The following ZNF30 variants were observed in gnomAD, a reference collection of about 807,000 sequenced individuals.
ZNF30 encodes the protein zinc finger protein 30.
Under a neutral mutation model 13.2 loss-of-function variants are expected in ZNF30, and 15 were observed. The observed-to-expected ratio is 1.13, with a 90% CI of 0.76 to 1.75. The LOEUF (loss-of-function observed/expected upper bound fraction) is 1.75. Ranked by LOEUF, ZNF30 falls within the 40% of genes most tolerant of loss-of-function variation. The pLI is 0.00. For missense variants in ZNF30, 726 were observed against 757.0 expected (o/e 0.96, Z 0.48); for synonymous variants, 223 against 256.6 (o/e 0.87, Z 1.25).
At chr19:34,933,556 A>G (rs1394270873) in intron 3 of ZNF30, 72 bp from the exon 4 acceptor site, 6 of 1,208,284 alleles carry the variant, frequency 5.0e-6, no homozygotes, top group South Asian at 1.3e-5. Context: ...ATTTATGGCA[A>G]ATTTAACCAA....
Position 34,945,063 on chromosome 19 carries a change from GTTATTAC to G in ZNF30, c.*229_*235del, listed in dbSNP as rs1236757112. On this transcript the variant is annotated 3_prime_UTR_variant, in exon 5 of 5. Coordinates refer to ENST00000601142, the MANE Select transcript of ZNF30 (RefSeq NM_194325.3). Reference sequence around the variant, plus strand: ...GGACCATTCAGAAAAAGTGGGAAACGTTATTACTTAATGGTTACAGCACTGACAGCAT... The same window carrying G: ...GGACCATTCAGAAAAAGTGGGAAACGTTAATGGTTACAGCACTGACAGCAT... The G allele has an allele frequency of 4.3e-6, 2 of 463,042 alleles. No individual in the cohort carries two copies. Among genetic ancestry groups the G allele is most frequent in the Non-Finnish European group, 7.4e-6 (2 of 268,550 alleles). The allele number at this position is 463,042 out of a possible 1,614,324, so 28.7% of individuals were successfully genotyped here.
intron 3 of ZNF30, among the ~76,000 whole-genome samples, 188 bp from the exon 4 acceptor site, chr19:34,933,440 G>A (rs1038055330): frequency 6.6e-6 from 1 of 152,144 alleles, no homozygotes; most frequent in Non-Finnish European, 1.5e-5. Flanking sequence ...GACAGAGTGA[G>A]ACTCTGTCTC....
At chr19:34,928,189 C>A (rs2012181138) in intron 1 of ZNF30, among the ~76,000 whole-genome samples, 1 of 129,504 alleles carries the variant, frequency 7.7e-6, no homozygotes, top group African/African-American at 2.9e-5. Context: ...GCCTGGGCGA[C>A]AGAGCGAGAT....
chr19:34,943,196 T>A, intron 4 of ZNF30, 27 bp from the exon 5 acceptor site: 1 of 1,420,768 alleles, frequency 7.0e-7, no homozygotes, highest in Non-Finnish European at 9.2e-7. Context: ...AATAGAAAAA[T>A]AAGATATTTT....
In ZNF30 at chr19:34,927,168, C is replaced by T. The variant is rs1401479547; in HGVS notation, c.-113C>T. On this transcript the variant is annotated 5_prime_UTR_variant, in exon 1 of 5. Transcript: ENST00000601142. ...GAATTTCTGCAAACGAACACAGCAC[C>T]GGGAGCTCTGCAGACCTGTGTCGGC... is the stretch of plus-strand genomic sequence containing the variant. 4 of 388,838 alleles carry T rather than the reference C, an allele frequency of 1.0e-5. No individual in the cohort carries two copies. The highest frequency in any genetic ancestry group is 4.1e-5 in the African/African-American group (2 of 48,296). 24.1% of individuals were successfully genotyped at this position (388,838 alleles called of 1,614,324 possible).
chr19:34,933,058 G>A (rs1295399566), intron 3 of ZNF30, among the ~76,000 whole-genome samples: 1 of 151,356 alleles, frequency 6.6e-6, no homozygotes, highest in Non-Finnish European at 1.5e-5. Context: ...GGGATTACAA[G>A]CATGAGCCAC....
In ZNF30 at chr19:34,944,365, G is replaced by A. The variant is rs1489935995; in HGVS notation, c.1399G>A (p.Val467Met). Residue 467 changes from valine to methionine, a missense_variant, in exon 5 of 5, where the codon GTG becomes ATG. By Grantham distance (21) the Val-to-Met change is conservative (BLOSUM62 1). Coordinates refer to ENST00000601142, the MANE Select transcript of ZNF30 (RefSeq NM_194325.3). ...ECKECGKAFRVHVHLTQHRKI... is the reference protein window; with the variant it reads ...ECKECGKAFRMHVHLTQHRKI... ...TAAGGAATGTGGCAAGGCCTTCAGA[G>A]TGCACGTACATCTCACACAGCATCG... 11 of 1,613,776 alleles carry A rather than the reference G, an allele frequency of 6.8e-6. No individual in the cohort carries two copies. The East Asian group carries it at 2.2e-4, about 33-fold the overall frequency.
intron 2 of ZNF30, among the ~76,000 whole-genome samples, chr19:34,931,372 G>C (rs1446811407): frequency 6.6e-6 from 1 of 152,240 alleles, no homozygotes; most frequent in East Asian, 1.9e-4. Context: ...ATTAATATAA[G>C]GAAAAACACT....
Position 34,943,393 on chromosome 19 carries a change from A to C in ZNF30, c.427A>C (p.Ser143Arg), listed in dbSNP as rs138134074. 1.9e-6 allele frequency: 3 copies of C among 1,614,026 alleles called. No individual in the cohort carries two copies. In the East Asian group the frequency reaches 6.7e-5, roughly 36 times the overall value. The change falls in exon 5 of 5, where the codon AGT (serine) becomes CGT (arginine). Residue 143 changes from serine to arginine, a missense_variant. Transcript: ENST00000601142. ...SKPVQHERIH[S>R]SEKPNRCKEC... Reference sequence around the variant, plus strand: ...GCCTGTTCAACATGAAAGAATACATAGTAGTGAAAAACCCAACAGATGTAA... The same window carrying C: ...GCCTGTTCAACATGAAAGAATACATCGTAGTGAAAAACCCAACAGATGTAA...
At chr19:34,942,597 A>G in intron 4 of ZNF30, 2 of 1,285,748 alleles carry the variant, frequency 1.6e-6, no homozygotes, top group Non-Finnish European at 2.0e-6. Flanking sequence ...TGGATAGGAT[A>G]AGAAAGCTCC....
intron 4 of ZNF30, among the ~76,000 whole-genome samples, chr19:34,937,331 C>T (rs935630488): frequency 7.2e-5 from 11 of 152,098 alleles, no homozygotes; most frequent in African/African-American, 2.7e-4. Context: ...CTACTCTTAA[C>T]ATTTAGAGGT....
At chr19:34,938,103 A>G (rs1185947231) in intron 4 of ZNF30, among the ~76,000 whole-genome samples, 1 of 152,088 alleles carries the variant, frequency 6.6e-6, no homozygotes, top group African/African-American at 2.4e-5. Context: ...GTCTGACCAC[A>G]ATATTTAGCC....
At chr19:34,931,103 T>C (rs1479342432) in intron 2 of ZNF30, among the ~76,000 whole-genome samples, 1 of 150,632 alleles carries the variant, frequency 6.6e-6, no homozygotes, top group African/African-American at 2.5e-5. Flanking sequence ...AGTGGCACAA[T>C]TTTGACTCAC....
upstream of ZNF30, among the ~76,000 whole-genome samples, chr19:34,926,546 AG>A (rs2012080412): frequency 6.6e-6 from 1 of 152,242 alleles, no homozygotes; most frequent in Non-Finnish European, 1.5e-5. Flanking sequence ...ACACGTGATT[AG>A]TCTAATTGCC....
At chr19:34,925,822 T>C (rs2012050871), upstream of ZNF30, among the ~76,000 whole-genome samples, 1 of 145,850 alleles carries the variant, frequency 6.9e-6, no homozygotes, top group Non-Finnish European at 1.5e-5. Flanking sequence ...CCCCACCTCC[T>C]TATCAATGTC....
rs774509011 is a variant in ZNF30 at position 34,929,897 on chromosome 19, CAGAT to C, written c.-47_-44del. The C allele has an allele frequency of 1.5e-4, 234 of 1,562,410 alleles. 1 individual carries two copies. Among genetic ancestry groups the C allele is most frequent in the Middle Eastern group, 1.7e-4 (1 of 5,896 alleles). On this transcript the variant is annotated 5_prime_UTR_variant, in exon 2 of 5. An upstream open reading frame in the 5' UTR loses its in-frame stop. Coordinates refer to ENST00000601142, the MANE Select transcript of ZNF30 (RefSeq NM_194325.3). ...TGGATTTTCTAGCTTTTGAACTTCT[CAGAT>C]AGAGGAACCCCAGTGAAGACTGATC... is the stretch of plus-strand genomic sequence containing the variant.
At position 34,944,489 on chromosome 19, in the gene ZNF30, G is replaced by A. The variant is rs1465254493; in HGVS notation, c.1523G>A (p.Gly508Asp). 1 of 1,613,652 alleles carries A rather than the reference G, an allele frequency of 6.2e-7. No individual in the cohort carries two copies. Among genetic ancestry groups the A allele is most frequent in the Admixed American group, 1.7e-5 (1 of 59,960 alleles). ...GTACAACATAGCAGAATCCATACTG[G>A]TAAGAAGCCCTATGAGTGTAAGGAG... ...YLVQHSRIHT[G>D]KKPYECKECG... The change falls in exon 5 of 5, where the codon GGT becomes GAT. Residue 508 changes from glycine to aspartate, a missense_variant. By Grantham distance (94) the Gly-to-Asp change is moderately conservative. Transcript: ENST00000601142.
chr19:34,942,591 T>C (rs2013098279), intron 4 of ZNF30: 2 of 1,276,288 alleles, frequency 1.6e-6, no homozygotes, highest in African/African-American at 3.1e-5. Flanking sequence ...TAAACATGGA[T>C]AGGATAAGAA....
At chr19:34,930,096 A>G (rs983735251) in intron 2 of ZNF30, 140 bp downstream of exon 2, 1 of 855,404 alleles carries the variant, frequency 1.2e-6, no homozygotes. Context: ...ATGATGTCAA[A>G]GTATCGTTTC....
Sources: gnomAD v4.1 joint callset for allele counts (sites outside exome capture counted in the v4.1 genomes callset) on GRCh38, gnomAD v4.1.1 for gene constraint, MANE v1.5 for transcripts, NCBI Gene and HGNC (gene_info 2026-07-23, HGNC 2026-07-21) for gene names.